TARBP1: variants seen among roughly 807,000 people sequenced by gnomAD.
TARBP1 encodes tRNA guanosine 2 -O-methyltransferase TARBP1.
Under a neutral mutation model 178.6 loss-of-function variants are expected in TARBP1, and 144 were observed. The ratio of observed to expected loss-of-function variants is 0.81; its 90% CI spans 0.70 to 0.93. The LOEUF (loss-of-function observed/expected upper bound fraction) is 0.93. Among genes scored for constraint, TARBP1 ranks in the 40% least tolerant of loss-of-function variants. TARBP1 has a pLI of 0.00. For synonymous variants in TARBP1, 787 were observed against 781.0 expected (o/e 1.01, Z -0.13); for missense variants, 2,067 against 2,011.7 (o/e 1.03, Z -0.53).
intron 20 of TARBP1, among the ~76,000 whole-genome samples, chr1:234,422,977 GGCTCATTAAAACAGA>G (rs1663282874): frequency 6.6e-6 from 1 of 152,088 alleles, no homozygotes; most frequent in Non-Finnish European, 1.5e-5. Context: ...GAATCACAAG[GGCTCATTAAAACAGA>G]GTGCTGGGCA....
In TARBP1 at chr1:234,429,717, A is replaced by C. The variant is rs16843140; in HGVS notation, c.2610-40T>G. On this transcript the variant is annotated intron_variant, in intron 15 of 29. Coordinates refer to ENST00000040877, the MANE Select transcript of TARBP1 (RefSeq NM_005646.4). ...AAAGTTACTAGGCCATACTTCCCCA[A>C]TTTGCCTCCACGTCTTTTGCACGTA... The C allele has an allele frequency of 1.5e-3, 2,148 of 1,433,534 alleles. 27 individuals are homozygous for C. The African/African-American group carries it at 0.026, about 18-fold the overall frequency. 88.8% of individuals were successfully genotyped at this position (1,433,534 alleles called of 1,614,324 possible).
In TARBP1 at chr1:234,450,474, A is replaced by G. The variant is rs1666635447; in HGVS notation, c.1815T>C (p.Tyr605=). 2.5e-6 allele frequency: 4 copies of G among 1,611,012 alleles called. No individual in the cohort carries two copies. Among genetic ancestry groups the G allele is most frequent in the Non-Finnish European group, 3.4e-6 (4 of 1,179,056 alleles). The change falls in exon 10 of 30, where the codon TAT becomes TAC. Residue 605 remains tyrosine, a synonymous_variant. Transcript: ENST00000040877. The stretch of plus-strand genomic sequence containing the variant: ...CATACTCTTGAACAATGCTCTTTAC[A>G]TAAGCATTTAAAGATGTCTTGTGAA... ...IGLHKTSLNA[Y]VKSIVQEYVK... is the part of the protein sequence containing the mutation.
intron 26 of TARBP1, among the ~76,000 whole-genome samples, chr1:234,394,504 G>A (rs1659715389): frequency 6.6e-6 from 1 of 152,298 alleles, no homozygotes; most frequent in Admixed American, 6.5e-5. Flanking sequence ...AGTTCACTTA[G>A]GATAGGACAG....
chr1:234,469,341 T>C (rs1395852739), intron 3 of TARBP1, among the ~76,000 whole-genome samples: 1 of 152,148 alleles, frequency 6.6e-6, no homozygotes, highest in Non-Finnish European at 1.5e-5. Context: ...AAGATGCTTG[T>C]TCAACTCTTT....
At position 234,435,353 on chromosome 1, in the gene TARBP1, C is replaced by T. The variant is rs187535549; in HGVS notation, c.2233-1782G>A. 2.6e-3 allele frequency among the ~76,000 whole-genome samples: 394 copies of T among 150,916 alleles called. 4 individuals carry two copies. Among genetic ancestry groups the T allele is most frequent in the African/African-American group, 9.0e-3 (368 of 41,002 alleles). On this transcript the variant is annotated intron_variant, in intron 13 of 29. Transcript: ENST00000040877. The stretch of plus-strand genomic sequence containing the variant: ...TACAAAAATATTACAGGCGCGGTGG[C>T]GCACGCCTGTAATACCAGCTACTCG...
chr1:234,410,620 C>A, intron 22 of TARBP1, 89 bp from the exon 23 acceptor site: 1 of 802,098 alleles, frequency 1.2e-6, no homozygotes, highest in East Asian at 2.9e-5. Context: ...CTATGAGGGC[C>A]CAGGACAGGA....
In TARBP1 at chr1:234,393,767, G is replaced by C; in HGVS notation, c.4314C>G (p.Asn1438Lys). 1 of 1,613,948 alleles carries C rather than the reference G, an allele frequency of 6.2e-7. No homozygotes were observed. The highest frequency in any genetic ancestry group is 8.5e-7 in the Non-Finnish European group (1 of 1,179,998). Residue 1438 changes from asparagine to lysine, a missense_variant, in exon 27 of 30, where the codon AAC (asparagine) becomes AAG (lysine). Asn to Lys is a moderately conservative substitution (Grantham distance 94). Transcript: ENST00000040877. ...CCAGGTCTAAGTCGGAAACACGACTGTTCCACGGGATAATCTTCTTCTGAA... is the reference window on the plus strand; with the variant it reads ...CCAGGTCTAAGTCGGAAACACGACTCTTCCACGGGATAATCTTCTTCTGAA... ...TDVQKKIIPW[N>K]SRVSDLDLEL...
chr1:234,458,882 C>T (rs952380080), intron 8 of TARBP1, among the ~76,000 whole-genome samples: 4 of 152,186 alleles, frequency 2.6e-5, no homozygotes, highest in African/African-American at 9.7e-5. Flanking sequence ...CGGGCTTTTC[C>T]TGGGACGTGG....
At chr1:234,462,132 T>C (rs1270029707) in intron 6 of TARBP1, among the ~76,000 whole-genome samples, 1 of 152,250 alleles carries the variant, frequency 6.6e-6, no homozygotes, top group Non-Finnish European at 1.5e-5. Context: ...ATCCCATCTT[T>C]TGCCTAACGC....
chr1:234,415,000 T>C (rs574259020), intron 22 of TARBP1, among the ~76,000 whole-genome samples: 4 of 149,178 alleles, frequency 2.7e-5, no homozygotes, highest in Non-Finnish European at 6.0e-5. Flanking sequence ...ATTAATAAAA[T>C]TAGTAAATTA....
At chr1:234,400,552 G>A (rs965174775) in intron 25 of TARBP1, among the ~76,000 whole-genome samples, 7 of 152,136 alleles carry the variant, frequency 4.6e-5, no homozygotes, top group African/African-American at 1.7e-4. Context: ...CAGAGGAAAA[G>A]CCCTAGGTCA....
chr1:234,443,201 A>C (rs1055092316), intron 12 of TARBP1, among the ~76,000 whole-genome samples: 2 of 151,860 alleles, frequency 1.3e-5, no homozygotes, highest in African/African-American at 2.4e-5. Context: ...GAGGCAGGAC[A>C]ATCACTTGAA....
intron 20 of TARBP1, among the ~76,000 whole-genome samples, chr1:234,424,755 G>C (rs1558184697): frequency 1.3e-5 from 2 of 151,936 alleles, no homozygotes; most frequent in Non-Finnish European, 2.9e-5. Flanking sequence ...GTGAAACCCT[G>C]TCTCTGCTAA....
At chr1:234,429,954 T>G (rs574844586) in intron 15 of TARBP1, 133 bp downstream of exon 15, 1 of 956,326 alleles carries the variant, frequency 1.0e-6, no homozygotes, top group Admixed American at 2.3e-5. Context: ...AGATGAATAA[T>G]GTTATACCAC....
chr1:234,403,419 A>C (rs1257235444), intron 24 of TARBP1, among the ~76,000 whole-genome samples: 1 of 152,192 alleles, frequency 6.6e-6, no homozygotes, highest in African/African-American at 2.4e-5. Flanking sequence ...AACAGTCTGT[A>C]TTTCCTCATC....
chr1:234,425,819 G>A (rs1663685490), intron 19 of TARBP1, 26 bp from the exon 20 acceptor site: 2 of 1,470,100 alleles, frequency 1.4e-6, no homozygotes, highest in African/African-American at 1.4e-5. Context: ...GATAAATTAT[G>A]TTAATACATT....
intron 11 of TARBP1, among the ~76,000 whole-genome samples, chr1:234,448,026 G>A (rs563195887): frequency 3.8e-4 from 58 of 152,238 alleles, no homozygotes; most frequent in African/African-American, 1.2e-3. Flanking sequence ...TGCAACCTCC[G>A]CCACCCAGTT....
rs1370581687 is a variant in TARBP1 at position 234,433,508 on chromosome 1, A to C, written c.2296T>G (p.Leu766Val). The change falls in exon 14 of 30, where the codon TTG (leucine) becomes GTG (valine). Residue 766 changes from leucine (L) to valine (V), a missense_variant. Coordinates refer to ENST00000040877, the MANE Select transcript of TARBP1 (RefSeq NM_005646.4). ...TTACCCCTTTTCCACCCAACCTTCAAATGCAGATTTATAAGCTCAGTTAAC... is the reference window on the plus strand; with the variant it reads ...TTACCCCTTTTCCACCCAACCTTCACATGCAGATTTATAAGCTCAGTTAAC... ...MVLTELINLHLKVGWKRGNPI... is the reference protein window; with the variant it reads ...MVLTELINLHVKVGWKRGNPI... The C allele has an allele frequency of 6.2e-7, 1 of 1,613,932 alleles. No homozygotes were observed. Among genetic ancestry groups the C allele is most frequent in the East Asian group, 2.2e-5 (1 of 44,878 alleles).
At chr1:234,419,033 G>C (rs946065156) in intron 21 of TARBP1, among the ~76,000 whole-genome samples, 3 of 152,012 alleles carry the variant, frequency 2.0e-5, no homozygotes, top group Non-Finnish European at 4.4e-5. Flanking sequence ...TTAGCCGGGT[G>C]AGGTGGTGGG....
Sources: allele counts gnomAD v4.1 joint callset (sites outside exome capture counted in the v4.1 genomes callset), GRCh38; gene constraint gnomAD v4.1.1; transcripts MANE v1.5; gene names NCBI Gene and HGNC (gene_info 2026-07-23, HGNC 2026-07-21).